Variants in TPRG1 observed in about 807,000 individuals in gnomAD.
The protein encoded by TPRG1 is tumor protein p63 regulated 1, also known as tumor protein p63-regulated gene 1 protein.
TPRG1 carries 29 observed loss-of-function variants against 29.3 expected under a neutral mutation model. That is an observed-to-expected ratio of 0.99 (90% CI 0.74 to 1.35). The LOEUF is 1.35. Ranked by LOEUF, TPRG1 falls within the 40% of genes most tolerant of loss-of-function variation. TPRG1 has a pLI of 0.00. For synonymous variants in TPRG1, 130 were observed against 116.8 expected (o/e 1.11, Z -0.73); for missense variants, 327 against 335.0 (o/e 0.98, Z 0.19).
chr3:189,163,230 A>G (rs4686502), intron 5 of TPRG1, among the ~76,000 whole-genome samples: 71,617 of 152,060 alleles, frequency 0.47, 17,643 homozygotes, highest in African/African-American at 0.61. Context: ...CCAAGATGGC[A>G]CCATTGCACT....
intron 3 of TPRG1, among the ~76,000 whole-genome samples, chr3:189,234,759 A>G (rs1332902490): frequency 6.6e-6 from 1 of 152,214 alleles, no homozygotes; most frequent in Non-Finnish European, 1.5e-5. Flanking sequence ...AGTTTACAGT[A>G]TAGGAGGGGA....
At chr3:189,147,798 T>C (rs1410906070) in intron 4 of TPRG1, among the ~76,000 whole-genome samples, 3 of 152,122 alleles carry the variant, frequency 2.0e-5, no homozygotes, top group Non-Finnish European at 2.9e-5. Context: ...TGGCTGACTT[T>C]TGCTTGTTGC....
chr3:189,032,780 A>T (rs1171416052), intron 4 of TPRG1, among the ~76,000 whole-genome samples: 1 of 115,890 alleles, frequency 8.6e-6, no homozygotes, highest in African/African-American at 3.4e-5. Flanking sequence ...CCAGAGTGTG[A>T]TGTTGCCCTT....
chr3:189,261,414 TAA>T (rs112785951), intron 4 of TPRG1, among the ~76,000 whole-genome samples: 8 of 140,576 alleles, frequency 5.7e-5, no homozygotes, highest in Admixed American at 7.1e-5. Flanking sequence ...GGTCTTTGCT[TAA>T]AAAAAAAAAA....
At chr3:189,003,246 T>C (rs1483213494) in intron 2 of TPRG1, among the ~76,000 whole-genome samples, 1 of 152,092 alleles carries the variant, frequency 6.6e-6, no homozygotes, top group Non-Finnish European at 1.5e-5. Flanking sequence ...ACAGTGCCAG[T>C]GTCATCCATT....
At chr3:189,182,378 C>T (rs1438292741) in intron 1 of TPRG1, among the ~76,000 whole-genome samples, 1 of 152,138 alleles carries the variant, frequency 6.6e-6, no homozygotes, top group Non-Finnish European at 1.5e-5. Context: ...ACTTTCCAAG[C>T]TCATAACTTA....
intron 1 of TPRG1, among the ~76,000 whole-genome samples, chr3:189,101,124 C>T (rs551484912): frequency 2.0e-5 from 3 of 152,264 alleles, no homozygotes; most frequent in East Asian, 1.9e-4. Context: ...GATTTCTCTT[C>T]GCTTTCCCTC....
intron 1 of TPRG1, among the ~76,000 whole-genome samples, chr3:188,997,772 A>G (rs1711881102): frequency 6.6e-6 from 1 of 152,204 alleles, no homozygotes. Context: ...ATTACATTCC[A>G]GGAGCTGTCT....
chr3:189,242,446 G>T (rs1440962974), intron 4 of TPRG1, among the ~76,000 whole-genome samples: 1 of 151,998 alleles, frequency 6.6e-6, no homozygotes, highest in East Asian at 1.9e-4. Flanking sequence ...TATTAAGTCA[G>T]TTCTTCATTC....
At chr3:189,264,574 G>T (rs1443599610) in intron 4 of TPRG1, among the ~76,000 whole-genome samples, 1 of 151,670 alleles carries the variant, frequency 6.6e-6, no homozygotes, top group African/African-American at 2.4e-5. Flanking sequence ...TTATTAAAAA[G>T]ATTCAGCATG....
In TPRG1 at chr3:189,051,499, T is replaced by C. The variant is rs537511995; in HGVS notation, c.-463+27553T>C. On this transcript the variant is annotated intron_variant, in intron 4 of 10. Transcript: ENST00000433971. ...TTCTCATGGATGGGTAGAATCAATA[T>C]TGTGAAAATGACCATACTGCCAAAA... Among the ~76,000 whole-genome samples, 65 of 152,232 alleles carry C rather than the reference T, an allele frequency of 4.3e-4. No individual in the cohort carries two copies. In the South Asian group the frequency reaches 0.011, roughly 26 times the overall value.
At chr3:189,155,613 C>T (rs757237972) in intron 5 of TPRG1, among the ~76,000 whole-genome samples, 18 of 152,020 alleles carry the variant, frequency 1.2e-4, no homozygotes, top group Non-Finnish European at 2.1e-4. Context: ...AAGCATTCAT[C>T]GATAGATAAA....
chr3:189,324,203 G>A lies in TPRG1; in HGVS notation c.*3383G>A, dbSNP rs1724538721. ...AACCTTCTTAGGAAGCCAGTTTGTA[G>A]AGTTCTGGGGATAAGAAGGCAGAAA... On this transcript the variant is annotated 3_prime_UTR_variant, in exon 6 of 6. Coordinates refer to ENST00000345063, the MANE Select transcript of TPRG1 (RefSeq NM_198485.4). 1 of 152,112 alleles carries A rather than the reference G, an allele frequency of 6.6e-6. No homozygotes were observed. The highest frequency in any genetic ancestry group is 2.1e-4 in the South Asian group (1 of 4,832). 9.4% of individuals were successfully genotyped at this position (152,112 alleles called of 1,614,324 possible). A position where few individuals can be genotyped will look rare whatever the true frequency, so the allele number is the denominator to read the frequency against.
At chr3:189,193,519 T>C (rs1732045124) in intron 1 of TPRG1, among the ~76,000 whole-genome samples, 1 of 152,268 alleles carries the variant, frequency 6.6e-6, no homozygotes, top group Middle Eastern at 3.4e-3. Flanking sequence ...CTTTCCCTTC[T>C]CTTTTCTTTC....
chr3:189,097,724 A>C (rs1336800386), upstream of TPRG1, among the ~76,000 whole-genome samples: 6 of 152,242 alleles, frequency 3.9e-5, no homozygotes. Flanking sequence ...AGGCCCCAGC[A>C]ATTTTACCTG....
chr3:189,175,776 A>G (rs907434971), intron 1 of TPRG1, among the ~76,000 whole-genome samples: 2 of 152,174 alleles, frequency 1.3e-5, no homozygotes, highest in African/African-American at 4.8e-5. Flanking sequence ...AACCTATAAG[A>G]CTCATTTAAA....
rs868713923 is a variant in TPRG1 at position 189,133,338 on chromosome 3, C to T, written c.-291+641C>T. 3.9e-5 allele frequency among the ~76,000 whole-genome samples: 6 copies of T among 152,240 alleles called. No homozygotes were observed. In the Middle Eastern group the frequency reaches 0.017, roughly 432 times the overall value. ...CTCCAGAGAGGAAAAGGCAAAGGAG[C>T]AAGATCAAGATCAGTTAGAAGCCTC... is the stretch of plus-strand genomic sequence containing the variant. On this transcript the variant is annotated intron_variant, in intron 3 of 6. Coordinates refer to the TPRG1 transcript ENST00000412373.
intron 4 of TPRG1, among the ~76,000 whole-genome samples, chr3:189,290,964 C>T (rs1396964335): frequency 6.6e-6 from 1 of 151,886 alleles, no homozygotes; most frequent in East Asian, 1.9e-4. Context: ...GTGCAGTGGC[C>T]CGATCTCCAC....
intron 1 of TPRG1, among the ~76,000 whole-genome samples, chr3:189,175,447 G>C (rs1275513133): frequency 6.6e-6 from 1 of 152,210 alleles, no homozygotes; most frequent in African/African-American, 2.4e-5. Context: ...ACCAGATCCT[G>C]GGTGCTGGCA....
Sources: allele counts gnomAD v4.1 joint callset (sites outside exome capture counted in the v4.1 genomes callset), GRCh38; gene constraint gnomAD v4.1.1; transcripts MANE v1.5; gene names NCBI Gene and HGNC (gene_info 2026-07-23, HGNC 2026-07-21).